Variants in EIPR1 observed in about 807,000 individuals in gnomAD.
EIPR1 encodes the protein EARP complex and GARP complex interacting protein 1, also known as EARP and GARP complex-interacting protein 1.
EIPR1 carries 25 observed loss-of-function variants against 48.1 expected under a neutral mutation model. The ratio of observed to expected loss-of-function variants is 0.52; its 90% CI spans 0.38 to 0.73. EIPR1 has a LOEUF of 0.73. EIPR1 is among the 30% of genes least tolerant of loss of function. EIPR1 has a pLI of 0.00. For missense variants in EIPR1, 415 were observed against 506.2 expected, an observed-to-expected ratio of 0.82 and a Z score of 1.73; for synonymous variants, 204 against 201.9, an observed-to-expected ratio of 1.01 and a Z score of -0.09.
At chr2:3,194,992 C>T (rs1169988980) in intron 6 of EIPR1, among the ~76,000 whole-genome samples, 2 of 152,268 alleles carry the variant, frequency 1.3e-5, no homozygotes, top group African/African-American at 2.4e-5. Context: ...TCTGTGTGCA[C>T]GCCCACACAT....
chr2:3,212,013 C>A (rs1180305674), intron 5 of EIPR1, among the ~76,000 whole-genome samples: 1 of 152,144 alleles, frequency 6.6e-6, no homozygotes, highest in Admixed American at 6.5e-5. Context: ...ATGCAGTGAG[C>A]ATGAGATTAG....
intron 3 of EIPR1, among the ~76,000 whole-genome samples, chr2:3,329,242 C>T (rs534306839): frequency 2.7e-4 from 24 of 88,206 alleles, no homozygotes; most frequent in Non-Finnish European, 3.4e-4. Flanking sequence ...GATCTCAGGG[C>T]ACCAGCTGGG....
chr2:3,317,267 C>T (rs375793604), intron 3 of EIPR1, among the ~76,000 whole-genome samples: 5 of 142,388 alleles, frequency 3.5e-5, no homozygotes, highest in Non-Finnish European at 1.5e-5. Flanking sequence ...GCCTTGCATG[C>T]CGGGTAGAGA....
Position 3,189,728 on chromosome 2 carries a change from G to C in EIPR1, c.990-220C>G, listed in dbSNP as rs908835083. 6.6e-6 allele frequency among the ~76,000 whole-genome samples: 1 copy of C among 152,134 alleles called. No homozygotes were observed. Among genetic ancestry groups the C allele is most frequent in the African/African-American group, 2.4e-5 (1 of 41,416 alleles). ...CCCTCACTGTCACTGTGAGGAGTGG[G>C]CATTTCTCAAAAGGTTTATGGAAAT... On this transcript the variant is annotated intron_variant, in intron 8 of 8. Coordinates refer to ENST00000382125, the MANE Select transcript of EIPR1 (RefSeq NM_003310.5). The surrounding 1 kb of genome is among the most constrained non-coding windows in gnomAD (Gnocchi z 4.6).
At chr2:3,281,612 C>G (rs576369145) in intron 3 of EIPR1, among the ~76,000 whole-genome samples, 1 of 152,142 alleles carries the variant, frequency 6.6e-6, no homozygotes, top group Non-Finnish European at 1.5e-5. Context: ...TATACAGGAA[C>G]GCGTGCCTGG....
intron 3 of EIPR1, among the ~76,000 whole-genome samples, chr2:3,300,464 G>A (rs1341358847): frequency 6.6e-6 from 1 of 152,054 alleles, no homozygotes; most frequent in Non-Finnish European, 1.5e-5. Context: ...CTTCATCATT[G>A]CTCCCTAAAA....
At chr2:3,249,108 G>A (rs138494966) in intron 4 of EIPR1, among the ~76,000 whole-genome samples, 5 of 152,162 alleles carry the variant, frequency 3.3e-5, no homozygotes, top group African/African-American at 9.6e-5. Flanking sequence ...ACTGGGTAAC[G>A]AGCGGAGGTT....
intron 4 of EIPR1, 159 bp from the exon 5 acceptor site, chr2:3,214,407 C>T: frequency 1.6e-6 from 1 of 617,300 alleles, no homozygotes; most frequent in East Asian, 2.9e-5. Context: ...TGCCTGACAA[C>T]ACTGTTGTTG....
Position 3,283,601 on chromosome 2 carries a change from C to T in EIPR1, c.260-26146G>A, listed in dbSNP as rs185100759. On this transcript the variant is annotated intron_variant, in intron 3 of 8. Coordinates refer to ENST00000382125, the MANE Select transcript of EIPR1 (RefSeq NM_003310.5). ...CAGCTGCAAAGGACGCCCAGACGGG[C>T]AGGAGAGCCAGATACCAGCGAGCAC... 2.2e-3 allele frequency among the ~76,000 whole-genome samples: 328 copies of T among 152,334 alleles called. 2 individuals are homozygous for T. Among genetic ancestry groups the T allele is most frequent in the African/African-American group, 7.1e-3 (297 of 41,572 alleles).
At chr2:3,314,131 A>G (rs751719858) in intron 3 of EIPR1, among the ~76,000 whole-genome samples, 5 of 152,200 alleles carry the variant, frequency 3.3e-5, no homozygotes, top group Non-Finnish European at 5.9e-5. Context: ...GCAGCTTTTC[A>G]TGGCTCTAAT....
At chr2:3,239,939 GGCAAAGCCAGCAGACCCTTCCTAAA>G (rs1666540595) in intron 4 of EIPR1, among the ~76,000 whole-genome samples, 1 of 152,006 alleles carries the variant, frequency 6.6e-6, no homozygotes, top group African/African-American at 2.4e-5. Context: ...TAGAACACTG[GGCAAAGCCAGCAGACCCTTCCTAAA>G]GCAAAGCCAG....
chr2:3,343,558 CAT>C (rs1670314211), intron 2 of EIPR1, among the ~76,000 whole-genome samples: 1 of 152,164 alleles, frequency 6.6e-6, no homozygotes, highest in South Asian at 2.1e-4. Flanking sequence ...AGATCAAACT[CAT>C]GTATTTTGAA....
intron 3 of EIPR1, among the ~76,000 whole-genome samples, chr2:3,292,429 A>C (rs759640611): frequency 6.6e-6 from 1 of 150,762 alleles, no homozygotes; most frequent in Non-Finnish European, 1.5e-5. Context: ...ACAGGCCCAC[A>C]TACTTCCCCC....
intron 4 of EIPR1, among the ~76,000 whole-genome samples, chr2:3,256,356 C>T (rs528407132): frequency 1.6e-4 from 24 of 152,256 alleles, no homozygotes; most frequent in Admixed American, 7.2e-4. Context: ...TTTCGGGGTA[C>T]GCCACGGCTG....
Position 3,189,142 on chromosome 2 carries a change from G to A in EIPR1, c.*192C>T. On this transcript the variant is annotated 3_prime_UTR_variant, in exon 9 of 9. Transcript: ENST00000382125. This position sits in a 1 kb window ranked among gnomAD's most constrained non-coding sequence, Gnocchi z 4.6. ...TCTCTGCCGACAGGGGCTGGGTTCG[G>A]GCATTAGCTGTGCCGTCGACAATAG... is the stretch of plus-strand genomic sequence containing the variant. 1 of 477,730 alleles carries A rather than the reference G, an allele frequency of 2.1e-6. No homozygotes were observed. Among genetic ancestry groups the A allele is most frequent in the Non-Finnish European group, 3.5e-6 (1 of 282,668 alleles). The allele number at this position is 477,730 out of a possible 1,614,324, so 29.6% of individuals were successfully genotyped here.
At chr2:3,200,215 GC>G (rs1664981374) in intron 5 of EIPR1, among the ~76,000 whole-genome samples, 1 of 152,134 alleles carries the variant, frequency 6.6e-6, no homozygotes, top group Non-Finnish European at 1.5e-5. Flanking sequence ...GCGGATGGCT[GC>G]CGATGGGCTC....
chr2:3,311,594 G>A (rs879424680), intron 3 of EIPR1, among the ~76,000 whole-genome samples: 16 of 152,172 alleles, frequency 1.1e-4, no homozygotes, highest in Admixed American at 6.5e-5. Context: ...AGACAGGCCA[G>A]ACATTCTCCC....
intron 4 of EIPR1, among the ~76,000 whole-genome samples, chr2:3,239,512 G>C (rs1284976129): frequency 6.6e-6 from 1 of 152,200 alleles, no homozygotes; most frequent in Admixed American, 6.5e-5. Flanking sequence ...TCCGTCTTCT[G>C]ATTTGGCCAT....
chr2:3,233,555 G>A (rs1021950697), intron 4 of EIPR1, among the ~76,000 whole-genome samples: 1 of 152,188 alleles, frequency 6.6e-6, no homozygotes, highest in African/African-American at 2.4e-5. Flanking sequence ...GATAATGACC[G>A]TGCTGATCCC....
Sources: allele counts gnomAD v4.1 joint callset (sites outside exome capture counted in the v4.1 genomes callset), GRCh38; gene constraint gnomAD v4.1.1; non-coding constraint Gnocchi (gnomAD v3.1); transcripts MANE v1.5; gene names NCBI Gene and HGNC (gene_info 2026-07-23, HGNC 2026-07-21).